The following GPR19 variants were observed in gnomAD, a reference collection of about 807,000 sequenced individuals.
GPR19 encodes the protein probable G protein-coupled receptor 19.
In GPR19, 14 loss-of-function variants were observed where a neutral mutation model predicts 28.5. The ratio of observed to expected loss-of-function variants is 0.49; its 90% confidence interval spans 0.32 to 0.77. The LOEUF (loss-of-function observed/expected upper bound fraction) is 0.77. Ranked by LOEUF, GPR19 falls within the 30% of genes least tolerant of loss-of-function variation. GPR19 has a pLI of 0.03. For synonymous variants in GPR19, 173 were observed against 184.1 expected, an observed-to-expected ratio of 0.94 and a Z score of 0.49; for missense variants, 409 against 504.1, an observed-to-expected ratio of 0.81 and a Z score of 1.81.
intron 3 of GPR19, among the ~76,000 whole-genome samples, chr12:12,677,755 T>C (rs1945953598): frequency 6.6e-6 from 1 of 152,084 alleles, no homozygotes; most frequent in African/African-American, 2.4e-5. Flanking sequence ...CAATCCTCTC[T>C]GCATTTCAGT....
intron 2 of GPR19, among the ~76,000 whole-genome samples, chr12:12,692,424 G>T (rs1215274369): frequency 6.6e-6 from 1 of 152,130 alleles, no homozygotes; most frequent in Non-Finnish European, 1.5e-5. Context: ...TTAATGGCGG[G>T]GTTTTGCCAT....
chr12:12,668,798 T>G (rs964410786), intron 3 of GPR19, among the ~76,000 whole-genome samples: 1 of 152,208 alleles, frequency 6.6e-6, no homozygotes. Flanking sequence ...GTTATAGCAT[T>G]AATACTACCA....
intron 3 of GPR19, among the ~76,000 whole-genome samples, chr12:12,663,071 G>C (rs900610163): frequency 2.0e-5 from 3 of 152,198 alleles, no homozygotes; most frequent in Non-Finnish European, 4.4e-5. Flanking sequence ...TGCTACATGA[G>C]CCAGAAATAG....
the GPR19 span, among the ~76,000 whole-genome samples, chr12:12,708,693 T>G: frequency 6.6e-6 from 1 of 152,238 alleles, no homozygotes; most frequent in South Asian, 2.1e-4. Context: ...GATAATAGCA[T>G]TTGCCTCACA....
Position 12,661,086 on chromosome 12 carries a change from A to T in GPR19, c.*115T>A. The T allele has an allele frequency of 1.4e-6, 1 of 721,166 alleles. No individual in the cohort carries two copies. Among genetic ancestry groups the T allele is most frequent in the Non-Finnish European group, 2.2e-6 (1 of 458,788 alleles). The allele number at this position is 721,166 out of a possible 1,614,324, so 44.7% of individuals were successfully genotyped here. ...TACAGTAAACAAATGAATGCATTTT[A>T]CAAAATAAAACATTTCCCTTGGAAA... On this transcript the variant is annotated 3_prime_UTR_variant, in exon 4 of 4. Coordinates refer to ENST00000651487, the MANE Select transcript of GPR19 (RefSeq NM_006143.3). This position sits in a 1 kb window ranked among gnomAD's most constrained non-coding sequence, Gnocchi z 4.2.
At chr12:12,714,073 T>C in the GPR19 span, among the ~76,000 whole-genome samples, 1 of 152,216 alleles carries the variant, frequency 6.6e-6, no homozygotes, top group African/African-American at 2.4e-5. Context: ...CTAAGGATAA[T>C]GTCTGGCATA....
At chr12:12,694,292 G>T (rs1011166600) in intron 2 of GPR19, among the ~76,000 whole-genome samples, 3 of 143,774 alleles carry the variant, frequency 2.1e-5, no homozygotes, top group Non-Finnish European at 1.5e-5. Context: ...TCTGCCTCCC[G>T]GGTTCACGCC....
chr12:12,663,680 AAG>A (rs1450688087), intron 3 of GPR19, among the ~76,000 whole-genome samples: 2 of 152,224 alleles, frequency 1.3e-5, no homozygotes, highest in Non-Finnish European at 2.9e-5. Flanking sequence ...AGGAAACAAA[AAG>A]AGAAACAGTA....
chr12:12,684,708 C>T (rs1201328110), intron 2 of GPR19, among the ~76,000 whole-genome samples: 1 of 152,160 alleles, frequency 6.6e-6, no homozygotes, highest in Non-Finnish European at 1.5e-5. Context: ...AGGAGCAAAG[C>T]AGCAGAAATC....
chr12:12,671,064 C>T (rs949804250), intron 3 of GPR19, among the ~76,000 whole-genome samples: 6 of 151,718 alleles, frequency 4.0e-5, no homozygotes, highest in African/African-American at 7.3e-5. Flanking sequence ...TTTGGGAAGC[C>T]GAGGTGGGCA....
chr12:12,699,922 C>G (rs1166955325), upstream of GPR19, among the ~76,000 whole-genome samples: 1 of 151,764 alleles, frequency 6.6e-6, no homozygotes, highest in African/African-American at 2.4e-5. Context: ...ACATCATGTT[C>G]TCATATGAAA....
chr12:12,693,566 G>A (rs1946215887), intron 2 of GPR19, among the ~76,000 whole-genome samples: 1 of 152,188 alleles, frequency 6.6e-6, no homozygotes, highest in South Asian at 2.1e-4. Flanking sequence ...TGTGTATCCT[G>A]GCAATTATAC....
intron 2 of GPR19, among the ~76,000 whole-genome samples, chr12:12,690,740 C>T (rs924086874): frequency 6.6e-5 from 10 of 152,286 alleles, no homozygotes; most frequent in Admixed American, 4.6e-4. Flanking sequence ...TGTTCTGACT[C>T]TAAATTCTTA....
At chr12:12,704,674 GAT>G in the GPR19 span, among the ~76,000 whole-genome samples, 1 of 152,160 alleles carries the variant, frequency 6.6e-6, no homozygotes, top group Non-Finnish European at 1.5e-5. Flanking sequence ...TAGAAAAGCA[GAT>G]TATAAATACA....
chr12:12,662,600 C>T (rs925432029), intron 3 of GPR19, 130 bp from the exon 4 acceptor site: 18 of 767,562 alleles, frequency 2.3e-5, no homozygotes, highest in Middle Eastern at 2.8e-4. Context: ...AGGACTTGAG[C>T]GTTGGCAGGA....
intron 2 of GPR19, among the ~76,000 whole-genome samples, chr12:12,689,370 A>G (rs1946148846): frequency 6.6e-6 from 1 of 152,228 alleles, no homozygotes; most frequent in Admixed American, 6.5e-5. Flanking sequence ...CTCTAGGTCC[A>G]GAATGAAGCC....
chr12:12,668,169 A>G (rs1005067987), intron 3 of GPR19, among the ~76,000 whole-genome samples: 3 of 152,236 alleles, frequency 2.0e-5, no homozygotes, highest in Non-Finnish European at 4.4e-5. Context: ...CCTCTAGGAC[A>G]TTAGCCAGTT....
At chr12:12,703,878 C>T in the GPR19 span, among the ~76,000 whole-genome samples, 1 of 152,200 alleles carries the variant, frequency 6.6e-6, no homozygotes, top group Non-Finnish European at 1.5e-5. Context: ...ATCATATCTA[C>T]TGGGTGCTAA....
chr12:12,697,169 A>AAAAAAAAAAAAAAAAAAAAC (rs1187197264), upstream of GPR19, among the ~76,000 whole-genome samples: 1 of 149,408 alleles, frequency 6.7e-6, no homozygotes, highest in Non-Finnish European at 1.5e-5. Flanking sequence ...AAAAAAAAAA[A>AAAAAAAAAAAAAAAAAAAAC]AAAAAAAAGC....
Sources: gnomAD v4.1 joint callset for allele counts (sites outside exome capture counted in the v4.1 genomes callset) on GRCh38, gnomAD v4.1.1 for gene constraint, Gnocchi (gnomAD v3.1) non-coding constraint, MANE v1.5 for transcripts, NCBI Gene and HGNC (gene_info 2026-07-23, HGNC 2026-07-21) for gene names.